Variants in HS3ST5 observed in about 807,000 individuals in gnomAD.
HS3ST5 encodes heparan sulfate glucosamine 3-O-sulfotransferase 5.
In HS3ST5, 10 loss-of-function variants were observed where a neutral mutation model predicts 25.4. That is an observed-to-expected ratio of 0.39 (90% CI 0.24 to 0.67). The LOEUF is 0.67. Among genes scored for constraint, HS3ST5 ranks in the 30% least tolerant of loss-of-function variants. The probability of loss-of-function intolerance (pLI) is 0.44; values close to 1 mark genes in which losing one functional copy is unlikely to be tolerated. For missense variants in HS3ST5, 324 were observed against 420.7 expected (o/e 0.77, Z 2.01); for synonymous variants, 170 against 162.4 (o/e 1.05, Z -0.36).
At chr6:114,135,589 T>C (rs1412618494) in intron 3 of HS3ST5, among the ~76,000 whole-genome samples, 1 of 152,220 alleles carries the variant, frequency 6.6e-6, no homozygotes, top group Non-Finnish European at 1.5e-5. Flanking sequence ...TCACTCTGCA[T>C]GTCACCATCC....
At position 114,209,079 on chromosome 6, in the gene HS3ST5, G is replaced by C. The variant is rs572102475; in HGVS notation, c.-145+19506C>G. 2.2e-3 allele frequency among the ~76,000 whole-genome samples: 328 copies of C among 152,206 alleles called. 5 individuals carry two copies. The highest frequency in any genetic ancestry group is 2.3e-3 in the East Asian group (12 of 5,174). ...TAGTTTAGTTAAATTGGAATTATGA[G>C]GTGTGGGGGCTGTGGAATCTGGGCT... On this transcript the variant is annotated intron_variant, in intron 2 of 4. Coordinates refer to ENST00000312719, the MANE Select transcript of HS3ST5 (RefSeq NM_153612.4).
intron 1 of HS3ST5, among the ~76,000 whole-genome samples, chr6:114,332,117 A>G (rs561712333): frequency 7.9e-5 from 12 of 152,292 alleles, no homozygotes; most frequent in Non-Finnish European, 1.5e-5. Context: ...TTCTCTATAG[A>G]CTATTATTAC....
chr6:114,241,273 G>A (rs1772113426), intron 1 of HS3ST5, among the ~76,000 whole-genome samples: 1 of 151,440 alleles, frequency 6.6e-6, no homozygotes, highest in South Asian at 2.1e-4. Context: ...GGATAGTTTA[G>A]CATGGAAAAG....
At chr6:114,209,737 T>C (rs1007839202) in intron 2 of HS3ST5, among the ~76,000 whole-genome samples, 43 of 152,028 alleles carry the variant, frequency 2.8e-4, no homozygotes, top group African/African-American at 1.0e-3. Flanking sequence ...ATATCTTGGG[T>C]GAATGACTGG....
At chr6:114,256,366 G>A (rs544565001) in intron 1 of HS3ST5, among the ~76,000 whole-genome samples, 1 of 150,900 alleles carries the variant, frequency 6.6e-6, no homozygotes, top group Non-Finnish European at 1.5e-5. Context: ...CCAGCCTGGA[G>A]GACAGAGCAA....
intron 3 of HS3ST5, among the ~76,000 whole-genome samples, chr6:114,137,230 C>G (rs73536659): frequency 1.3e-5 from 2 of 152,116 alleles, no homozygotes; most frequent in Non-Finnish European, 2.9e-5. Context: ...TTCTCCCCCC[C>G]GCAAACCATA....
At chr6:114,211,236 T>G (rs1781497776) in intron 2 of HS3ST5, among the ~76,000 whole-genome samples, 1 of 152,272 alleles carries the variant, frequency 6.6e-6, no homozygotes, top group Admixed American at 6.5e-5. Context: ...TATGTTTTTC[T>G]TTCTAAGTTC....
Position 114,200,108 on chromosome 6 carries a change from T to G in HS3ST5, c.-145+28477A>C, listed in dbSNP as rs143602252. ...AGCACGTGCCTGTAATCCCAGCTAC[T>G]TGGGAGGCTGAGGCAGGAGAATCCC... On this transcript the variant is annotated intron_variant, in intron 2 of 4. Transcript: ENST00000312719. Among the ~76,000 whole-genome samples the G allele has an allele frequency of 4.9e-4, 74 of 152,286 alleles. No individual in the cohort carries two copies. In the East Asian group the frequency reaches 0.014, roughly 29 times the overall value.
Position 114,129,041 on chromosome 6 carries a change from TA to T in HS3ST5, c.-33+39309del, listed in dbSNP as rs901521717. On this transcript the variant is annotated intron_variant, in intron 3 of 4. Coordinates refer to ENST00000312719, the MANE Select transcript of HS3ST5 (RefSeq NM_153612.4). The stretch of plus-strand genomic sequence containing the variant: ...ATTTGTCCATTTATCATACATTTAT[TA>T]AACAGAGACTGTAATAGTATCTACC... Among the ~76,000 whole-genome samples, 36 of 152,208 alleles carry T rather than the reference TA, an allele frequency of 2.4e-4. 1 individual carries two copies. The highest frequency in any genetic ancestry group is 8.8e-5 in the Non-Finnish European group (6 of 68,028).
intron 1 of HS3ST5, among the ~76,000 whole-genome samples, chr6:114,324,435 T>A (rs1210620613): frequency 6.6e-6 from 1 of 152,164 alleles, no homozygotes; most frequent in East Asian, 1.9e-4. Flanking sequence ...TAGAACAAAA[T>A]CCTTGGACCT....
At chr6:114,243,825 GA>G (rs1772255261) in intron 1 of HS3ST5, among the ~76,000 whole-genome samples, 1 of 152,124 alleles carries the variant, frequency 6.6e-6, no homozygotes, top group African/African-American at 2.4e-5. Flanking sequence ...ACTGACTACT[GA>G]AGAGGGTACT....
At chr6:114,256,343 G>C (rs1343103078) in intron 1 of HS3ST5, among the ~76,000 whole-genome samples, 2 of 151,012 alleles carry the variant, frequency 1.3e-5, no homozygotes, top group Non-Finnish European at 2.9e-5. Flanking sequence ...AGCCGAGATT[G>C]CGCCACTGCA....
At chr6:114,280,353 G>A (rs1395249585) in intron 1 of HS3ST5, among the ~76,000 whole-genome samples, 3 of 151,942 alleles carry the variant, frequency 2.0e-5, no homozygotes, top group African/African-American at 7.2e-5. Flanking sequence ...CTAGTGAGCT[G>A]AGCCTGAAAG....
intron 1 of HS3ST5, among the ~76,000 whole-genome samples, chr6:114,336,624 A>AT (rs1300978637): frequency 1.3e-5 from 2 of 152,058 alleles, no homozygotes; most frequent in Non-Finnish European, 2.9e-5. Flanking sequence ...AATAATAATA[A>AT]TAATTAATTA....
In HS3ST5 at chr6:114,318,868, A is replaced by G. The variant is rs895604723; in HGVS notation, c.-339+23327T>C. On this transcript the variant is annotated intron_variant, in intron 1 of 4. Transcript: ENST00000312719. ...TAGCAAGTGCTCAATGCCTATTAAG[A>G]TTTTATAATTCCATAATCTTTTTTC... 2.6e-5 allele frequency among the ~76,000 whole-genome samples: 4 copies of G among 152,330 alleles called. No homozygotes were observed. In the East Asian group the frequency reaches 7.7e-4, roughly 29 times the overall value.
intron 3 of HS3ST5, among the ~76,000 whole-genome samples, chr6:114,090,019 T>A (rs1342817864): frequency 2.0e-5 from 3 of 152,226 alleles, no homozygotes; most frequent in Non-Finnish European, 4.4e-5. Flanking sequence ...CACTGACATT[T>A]CTTTGAGAAC....
At chr6:114,124,582 A>G (rs1776946703) in intron 3 of HS3ST5, among the ~76,000 whole-genome samples, 1 of 149,936 alleles carries the variant, frequency 6.7e-6, no homozygotes, top group Admixed American at 6.7e-5. Context: ...ATACTTTTCC[A>G]TTACTATGGT....
chr6:114,137,433 A>AT, intron 3 of HS3ST5, among the ~76,000 whole-genome samples: 1 of 152,318 alleles, frequency 6.6e-6, no homozygotes, highest in African/African-American at 2.4e-5. Context: ...TTAGTATATC[A>AT]TTGCTTGGGT....
intron 1 of HS3ST5, among the ~76,000 whole-genome samples, chr6:114,335,907 C>T (rs945254464): frequency 9.9e-5 from 15 of 152,192 alleles, no homozygotes; most frequent in Non-Finnish European, 2.1e-4. Context: ...CCGCTTCGGC[C>T]TCCCAAAGTG....
Sources: allele counts gnomAD v4.1 joint callset (sites outside exome capture counted in the v4.1 genomes callset), GRCh38; gene constraint gnomAD v4.1.1; transcripts MANE v1.5; gene names NCBI Gene and HGNC (gene_info 2026-07-23, HGNC 2026-07-21).